The following ZNF277 variants were observed in gnomAD, a reference collection of about 807,000 sequenced individuals.
The protein encoded by ZNF277 is zinc finger protein 277.
A neutral mutation model predicts 60.7 loss-of-function variants in ZNF277; 55 were observed. The ratio of observed to expected loss-of-function variants is 0.91; its 90% CI spans 0.73 to 1.13. ZNF277 has a LOEUF of 1.13. ZNF277 is among the 50% of genes most tolerant of loss of function. The pLI is 0.00. For synonymous variants in ZNF277, 178 were observed against 179.3 expected, an observed-to-expected ratio of 0.99 and a Z score of 0.06; for missense variants, 510 against 523.0, an observed-to-expected ratio of 0.98 and a Z score of 0.24.
intron 5 of ZNF277, among the ~76,000 whole-genome samples, chr7:112,320,186 TC>T (rs1792943940): frequency 6.6e-6 from 1 of 152,140 alleles, no homozygotes; most frequent in South Asian, 2.1e-4. Flanking sequence ...TATTGGTGTT[TC>T]TCTAGTTCCT....
chr7:112,305,928 G>A (rs1362427419), intron 4 of ZNF277, among the ~76,000 whole-genome samples: 1 of 152,182 alleles, frequency 6.6e-6, no homozygotes, highest in Middle Eastern at 3.4e-3. Context: ...AGGGAGCTCT[G>A]CCATTTAACC....
At chr7:112,307,757 C>T (rs1335626062) in intron 4 of ZNF277, among the ~76,000 whole-genome samples, 2 of 151,832 alleles carry the variant, frequency 1.3e-5, no homozygotes, top group Non-Finnish European at 2.9e-5. Flanking sequence ...AATTGAACTC[C>T]TCCTCCCCCT....
rs755559466 is a variant in ZNF277 at position 112,286,990 on chromosome 7, C to T, written c.209C>T (p.Ala70Val). Residue 70 changes from alanine (A) to valine (V), a missense_variant, in exon 2 of 12, where the codon GCT becomes GTT. Physicochemically the swap from Ala to Val is moderately conservative, Grantham distance 64. Coordinates refer to ENST00000361822, the MANE Select transcript of ZNF277 (RefSeq NM_021994.3). Reference protein sequence around the residue: ...CIFCEEHFPVAEQDKLLKHMI... With the variant: ...CIFCEEHFPVVEQDKLLKHMI... ...TTCTGTGAAGAACATTTTCCTGTGG[C>T]TGAACAAGACAAACTTCTGAAGCAC... The T allele has an allele frequency of 6.2e-7, 1 of 1,614,054 alleles. No homozygotes were observed. Among genetic ancestry groups the T allele is most frequent in the South Asian group, 1.1e-5 (1 of 91,076 alleles).
intron 4 of ZNF277, among the ~76,000 whole-genome samples, chr7:112,308,312 C>G (rs1310134893): frequency 6.6e-6 from 1 of 151,802 alleles, no homozygotes; most frequent in Non-Finnish European, 1.5e-5. Context: ...GCCAGGAGTT[C>G]AAGACCAGCC....
intron 1 of ZNF277, among the ~76,000 whole-genome samples, chr7:112,234,433 A>G (rs1316825781): frequency 6.6e-6 from 1 of 152,170 alleles, no homozygotes; most frequent in Non-Finnish European, 1.5e-5. Flanking sequence ...AGGCAGCTCT[A>G]TGGGGACTCT....
chr7:112,231,600 C>T (rs1294460653), intron 1 of ZNF277, among the ~76,000 whole-genome samples: 1 of 151,642 alleles, frequency 6.6e-6, no homozygotes, highest in Non-Finnish European at 1.5e-5. Context: ...CTCCTTCCAT[C>T]TCCCCATCCT....
intron 1 of ZNF277, among the ~76,000 whole-genome samples, chr7:112,233,902 G>C (rs570141121): frequency 1.7e-4 from 26 of 151,692 alleles, no homozygotes; most frequent in Non-Finnish European, 2.8e-4. Flanking sequence ...GTAAATTAAA[G>C]TTCTTATTGC....
At chr7:112,310,454 T>TGAGAGAGA (rs377447375) in intron 4 of ZNF277, among the ~76,000 whole-genome samples, 8 of 117,294 alleles carry the variant, frequency 6.8e-5, no homozygotes, top group South Asian at 2.7e-4. Context: ...AGGTTAGGTT[T>TGAGAGAGA]GAGAGAGAGA....
At chr7:112,289,350 T>G (rs1792150379) in intron 2 of ZNF277, among the ~76,000 whole-genome samples, 1 of 152,180 alleles carries the variant, frequency 6.6e-6, no homozygotes, top group Admixed American at 6.5e-5. Flanking sequence ...GTATGTTGCC[T>G]TATATCGACT....
chr7:112,288,421 G>C (rs1419823495), intron 2 of ZNF277: 1 of 152,118 alleles, frequency 6.6e-6, no homozygotes, highest in Non-Finnish European at 1.5e-5. Flanking sequence ...CTTATGATAG[G>C]TCTTGCAAAA....
intron 1 of ZNF277, among the ~76,000 whole-genome samples, chr7:112,262,961 C>T (rs1791468501): frequency 6.6e-6 from 1 of 152,132 alleles, no homozygotes; most frequent in South Asian, 2.1e-4. Context: ...CCATCGTAAT[C>T]CAAATGTTAA....
intron 1 of ZNF277, among the ~76,000 whole-genome samples, chr7:112,238,572 G>A (rs1790863188): frequency 1.3e-5 from 2 of 152,046 alleles, no homozygotes; most frequent in Admixed American, 6.5e-5. Context: ...GACACCACCT[G>A]TGGTGGCCAG....
At chr7:112,256,328 G>A (rs1316501281) in intron 1 of ZNF277, among the ~76,000 whole-genome samples, 8 of 151,626 alleles carry the variant, frequency 5.3e-5, no homozygotes, top group Non-Finnish European at 2.9e-5. Context: ...CACCTACCAG[G>A]GACCTAGCAA....
intron 5 of ZNF277, among the ~76,000 whole-genome samples, chr7:112,324,098 G>A (rs182600470): frequency 6.6e-6 from 1 of 152,142 alleles, no homozygotes; most frequent in African/African-American, 2.4e-5. Context: ...AGTGCTACTT[G>A]ATTTACAGTG....
chr7:112,227,997 G>A (rs1822219607), intron 1 of ZNF277, among the ~76,000 whole-genome samples: 1 of 151,962 alleles, frequency 6.6e-6, no homozygotes, highest in South Asian at 2.1e-4. Flanking sequence ...TTCGCTCACA[G>A]TTTTGAAGGC....
chr7:112,244,532 T>C (rs1791035530), intron 1 of ZNF277, among the ~76,000 whole-genome samples: 1 of 152,140 alleles, frequency 6.6e-6, no homozygotes, highest in Non-Finnish European at 1.5e-5. Context: ...TGCGTATCAG[T>C]GACTTTTACT....
At chr7:112,335,174 GT>G (rs1469231749) in intron 7 of ZNF277, among the ~76,000 whole-genome samples, 1 of 152,094 alleles carries the variant, frequency 6.6e-6, no homozygotes, top group Admixed American at 6.6e-5. Flanking sequence ...TTTTGGTTTT[GT>G]TTTTCCAAAA....
In ZNF277 at chr7:112,300,612, A is replaced by T. The variant is rs533167935; in HGVS notation, c.465+4301A>T. 3.9e-5 allele frequency among the ~76,000 whole-genome samples: 6 copies of T among 152,340 alleles called. No individual in the cohort carries two copies. The East Asian group carries it at 5.8e-4, about 15-fold the overall frequency. On this transcript the variant is annotated intron_variant, in intron 4 of 11. Transcript: ENST00000361822. ...GAGTAGGCAGTCAGAGTAAATATTC[A>T]TGAATTGAGTTCATCCATAGCTTTC...
intron 1 of ZNF277, among the ~76,000 whole-genome samples, chr7:112,224,585 T>C (rs1822128415): frequency 6.6e-6 from 1 of 152,170 alleles, no homozygotes; most frequent in Admixed American, 6.6e-5. Flanking sequence ...GGTAATCAGA[T>C]ATCACCTGGG....
Sources: allele counts gnomAD v4.1 joint callset (sites outside exome capture counted in the v4.1 genomes callset), GRCh38; gene constraint gnomAD v4.1.1; transcripts MANE v1.5; gene names NCBI Gene and HGNC (gene_info 2026-07-23, HGNC 2026-07-21).